Variants in GRIP1 observed in about 807,000 individuals in gnomAD.
GRIP1 encodes glutamate receptor interacting protein 1.
Under a neutral mutation model 129.9 loss-of-function variants are expected in GRIP1, and 45 were observed. That is an observed-to-expected ratio of 0.35 (90% CI 0.27 to 0.44). The LOEUF (loss-of-function observed/expected upper bound fraction) is 0.44, where lower values mean the gene tolerates loss of function less well. Among genes scored for constraint, GRIP1 ranks in the 20% least tolerant of loss-of-function variants. The pLI is 1.00. For missense variants in GRIP1, 1,196 were observed against 1,396.8 expected (o/e 0.86, Z 2.29); for synonymous variants, 530 against 520.8 (o/e 1.02, Z -0.24).
intron 1 of GRIP1, among the ~76,000 whole-genome samples, chr12:66,869,833 G>A (rs944134918): frequency 6.6e-6 from 1 of 152,014 alleles, no homozygotes; most frequent in African/African-American, 2.4e-5. Flanking sequence ...AAAACAAAAG[G>A]TATAATTTTC....
chr12:66,608,965 A>AT (rs376239778), intron 1 of GRIP1, among the ~76,000 whole-genome samples: 18,671 of 132,076 alleles, frequency 0.14, 1,377 homozygotes, highest in Non-Finnish European at 0.18. Context: ...ATTATATTAT[A>AT]TATATATTTT....
intron 1 of GRIP1, among the ~76,000 whole-genome samples, chr12:67,007,991 G>C (rs958687825): frequency 6.6e-6 from 1 of 152,122 alleles, no homozygotes; most frequent in Admixed American, 6.6e-5. Context: ...AACCCACAGA[G>C]TTTTTGCAGA....
At chr12:66,682,479 G>A (rs1037437677), upstream of GRIP1, among the ~76,000 whole-genome samples, 1 of 152,152 alleles carries the variant, frequency 6.6e-6, no homozygotes, top group African/African-American at 2.4e-5. Context: ...GGGGTGGGTT[G>A]TGGTGTATGG....
intron 1 of GRIP1, among the ~76,000 whole-genome samples, chr12:66,861,501 T>C (rs979361348): frequency 6.6e-6 from 1 of 152,146 alleles, no homozygotes; most frequent in African/African-American, 2.4e-5. Flanking sequence ...ATAGCCCCTA[T>C]GCTCTTTTGC....
chr12:66,380,654 G>A (rs1347014477), intron 19 of GRIP1, among the ~76,000 whole-genome samples: 1 of 152,202 alleles, frequency 6.6e-6, no homozygotes, highest in African/African-American at 2.4e-5. Flanking sequence ...TATAGTCTTT[G>A]CAAGTATTTA....
At chr12:66,858,124 G>A (rs979170408) in intron 1 of GRIP1, among the ~76,000 whole-genome samples, 5 of 151,862 alleles carry the variant, frequency 3.3e-5, no homozygotes, top group African/African-American at 1.2e-4. Flanking sequence ...TTCACTTTCA[G>A]TACTATGAAG....
At chr12:66,711,142 C>CT (rs2035699505) in intron 1 of GRIP1, among the ~76,000 whole-genome samples, 1 of 151,852 alleles carries the variant, frequency 6.6e-6, no homozygotes, top group South Asian at 2.1e-4. Flanking sequence ...TTAGAGCTTG[C>CT]TTGCTCAGAT....
chr12:66,407,956 G>A (rs567089014), intron 15 of GRIP1, among the ~76,000 whole-genome samples: 1 of 152,292 alleles, frequency 6.6e-6, no homozygotes, highest in Non-Finnish European at 1.5e-5. Flanking sequence ...TAACTGAGTA[G>A]AGAAGAGGGG....
chr12:66,900,529 G>C (rs1566070674), intron 1 of GRIP1, among the ~76,000 whole-genome samples: 2 of 152,176 alleles, frequency 1.3e-5, no homozygotes, highest in East Asian at 1.9e-4. Flanking sequence ...GTCTTAGCCT[G>C]AACTGACTAA....
chr12:66,494,650 G>T (rs2060187912), intron 7 of GRIP1, among the ~76,000 whole-genome samples: 1 of 151,982 alleles, frequency 6.6e-6, no homozygotes, highest in East Asian at 1.9e-4. Flanking sequence ...AGGTGGGAGG[G>T]TTGCTTGAAG....
At chr12:66,598,130 G>C (rs1388505432) in intron 1 of GRIP1, among the ~76,000 whole-genome samples, 1 of 152,114 alleles carries the variant, frequency 6.6e-6, no homozygotes, top group African/African-American at 2.4e-5. Context: ...GATTTATTCA[G>C]AACAAGGCCT....
chr12:66,700,939 T>C (rs1364774389), intron 1 of GRIP1, among the ~76,000 whole-genome samples: 1 of 152,142 alleles, frequency 6.6e-6, no homozygotes, highest in Non-Finnish European at 1.5e-5. Context: ...GCCACTATGC[T>C]ATGTGCTTGA....
intron 2 of GRIP1, chr12:66,563,633 T>C (rs1475051208): frequency 1.2e-5 from 2 of 160,686 alleles, no homozygotes; most frequent in East Asian, 3.5e-4. Context: ...GCTTATTTCA[T>C]GAAGATGGAA....
chr12:66,987,463 G>A (rs191046359), intron 1 of GRIP1, among the ~76,000 whole-genome samples: 136 of 152,270 alleles, frequency 8.9e-4, no homozygotes, highest in African/African-American at 3.1e-3. Context: ...TTCCACACAA[G>A]TCTCAGCCAG....
chr12:67,018,117 G>C (rs2042814936), intron 1 of GRIP1, among the ~76,000 whole-genome samples: 1 of 152,068 alleles, frequency 6.6e-6, no homozygotes. Flanking sequence ...GAAAGCCCTG[G>C]CTCCCTGTAT....
At chr12:66,697,221 C>T (rs1036502133) in intron 1 of GRIP1, among the ~76,000 whole-genome samples, 3 of 152,176 alleles carry the variant, frequency 2.0e-5, no homozygotes, top group Admixed American at 2.0e-4. Context: ...TTCCTTCTCT[C>T]CTGACCTATC....
At chr12:66,455,912 A>G (rs780214403) in intron 10 of GRIP1, among the ~76,000 whole-genome samples, 1 of 152,262 alleles carries the variant, frequency 6.6e-6, no homozygotes, top group Non-Finnish European at 1.5e-5. Flanking sequence ...GTGATTCCAC[A>G]TATACAAAGA....
At chr12:66,807,615 A>G (rs2039019617), upstream of GRIP1, among the ~76,000 whole-genome samples, 1 of 152,022 alleles carries the variant, frequency 6.6e-6, no homozygotes, top group Non-Finnish European at 1.5e-5. Flanking sequence ...TGGAGCTTGC[A>G]GTGAGTAGAG....
chr12:66,570,576 T>C (rs979397645), intron 2 of GRIP1, among the ~76,000 whole-genome samples: 2 of 152,190 alleles, frequency 1.3e-5, no homozygotes, highest in Admixed American at 6.5e-5. Context: ...CCTGTCACAC[T>C]TGTATGGCCA....
Sources: gnomAD v4.1 joint callset for allele counts (sites outside exome capture counted in the v4.1 genomes callset) on GRCh38, gnomAD v4.1.1 for gene constraint, MANE v1.5 for transcripts, NCBI Gene and HGNC (gene_info 2026-07-23, HGNC 2026-07-21) for gene names.